Variants in TRIM36 observed in about 807,000 individuals in gnomAD.
TRIM36 encodes tripartite motif containing 36.
Under a neutral mutation model 72.4 loss-of-function variants are expected in TRIM36, and 42 were observed. That is an observed-to-expected ratio of 0.58 (90% CI 0.45 to 0.75). The LOEUF (loss-of-function observed/expected upper bound fraction) is 0.75, where lower values mean the gene tolerates loss of function less well. Among genes scored for constraint, TRIM36 ranks in the 30% least tolerant of loss-of-function variants. TRIM36 has a pLI of 0.00. For synonymous variants in TRIM36, 315 were observed against 282.8 expected (o/e 1.11, Z -1.14); for missense variants, 913 against 857.1 (o/e 1.07, Z -0.81).
At chr5:115,161,557 A>G (rs1052776949) in intron 2 of TRIM36, among the ~76,000 whole-genome samples, 1 of 152,224 alleles carries the variant, frequency 6.6e-6, no homozygotes, top group South Asian at 2.1e-4. Flanking sequence ...CTGAATTGAA[A>G]ATATTTAAAA....
intron 3 of TRIM36, among the ~76,000 whole-genome samples, chr5:115,145,616 T>A (rs1229705544): frequency 2.0e-5 from 3 of 152,118 alleles, no homozygotes; most frequent in Non-Finnish European, 4.4e-5. Context: ...AACCTCCACC[T>A]CCTGGGTTCA....
At chr5:115,171,331 G>A, upstream of TRIM36, 1 of 1,476,364 alleles carries the variant, frequency 6.8e-7, no homozygotes, top group South Asian at 1.2e-5. Flanking sequence ...GCTTTGCCAG[G>A]TAATAATGCC....
chr5:115,170,545 C>T (rs1003499997), upstream of TRIM36, among the ~76,000 whole-genome samples: 2 of 152,198 alleles, frequency 1.3e-5, no homozygotes, highest in Non-Finnish European at 2.9e-5. Flanking sequence ...CCTGGCCCCG[C>T]CCGGCTTGTC....
At chr5:115,147,463 T>A in intron 2 of TRIM36, 69 bp from the exon 3 acceptor site, 3 of 1,509,626 alleles carry the variant, frequency 2.0e-6, no homozygotes, top group Non-Finnish European at 2.7e-6. Flanking sequence ...AAAAGAGGAG[T>A]CATGTCTTAG....
intron 8 of TRIM36, among the ~76,000 whole-genome samples, chr5:115,132,550 G>GAAAAA (rs11290682): frequency 1.8e-5 from 2 of 110,860 alleles, no homozygotes; most frequent in Non-Finnish European, 1.8e-5. Flanking sequence ...CCTCCAAAAA[G>GAAAAA]AAAAAAAAAA....
intron 2 of TRIM36, among the ~76,000 whole-genome samples, chr5:115,156,313 T>C (rs1006645242): frequency 5.3e-5 from 8 of 151,184 alleles, no homozygotes; most frequent in African/African-American, 1.9e-4. Flanking sequence ...AAAAAAAAAA[T>C]TCTAAAATTC....
intron 2 of TRIM36, among the ~76,000 whole-genome samples, chr5:115,151,972 A>C (rs1364365310): frequency 6.6e-6 from 1 of 152,160 alleles, no homozygotes; most frequent in East Asian, 1.9e-4. Context: ...AACAAGGTTA[A>C]CACCAGCAAA....
chr5:115,173,012 G>C (rs949597425), upstream of TRIM36, among the ~76,000 whole-genome samples: 3 of 152,106 alleles, frequency 2.0e-5, no homozygotes, highest in African/African-American at 7.2e-5. Flanking sequence ...AAAAACAAAA[G>C]GTGAGGGGAA....
chr5:115,175,788 C>T (rs265405), intron 1 of TRIM36, among the ~76,000 whole-genome samples: 23,795 of 152,128 alleles, frequency 0.16, 2,506 homozygotes, highest in South Asian at 0.28. Context: ...ACAGCACATA[C>T]ATTTCACCCA....
chr5:115,156,728 T>G lies in TRIM36; in HGVS notation c.262+6790A>C, dbSNP rs989267341. 2.6e-5 allele frequency among the ~76,000 whole-genome samples: 4 copies of G among 152,184 alleles called. 1 individual carries two copies. The highest frequency in any genetic ancestry group is 6.8e-3 in the Middle Eastern group (2 of 294). On this transcript the variant is annotated intron_variant, in intron 2 of 9. Coordinates refer to ENST00000513154, the MANE Select transcript of TRIM36 (RefSeq NM_001300759.2). ...CTATAAAAATTCTAGAAGATAACAC[T>G]GAAAAAACCATTGTGGACTTTGGCT... is the stretch of plus-strand genomic sequence containing the variant.
intron 2 of TRIM36, among the ~76,000 whole-genome samples, chr5:115,154,183 GGCA>G (rs1754040985): frequency 1.4e-5 from 2 of 142,562 alleles, no homozygotes; most frequent in South Asian, 2.5e-4. Context: ...ACACAGCAAA[GGCA>G]GTGCTAAGAC....
chr5:115,128,441 TAA>T (rs1752471807), intron 9 of TRIM36, among the ~76,000 whole-genome samples: 1 of 151,340 alleles, frequency 6.6e-6, no homozygotes, highest in African/African-American at 2.4e-5. Flanking sequence ...ACAAGAGAGT[TAA>T]AAAGTTTTTT....
rs559725844 is a variant in TRIM36 at position 115,152,373 on chromosome 5, C to T, written c.263-4979G>A. On this transcript the variant is annotated intron_variant, in intron 2 of 9. Coordinates refer to ENST00000513154, the MANE Select transcript of TRIM36 (RefSeq NM_001300759.2). ...AAAGCCTCCAAGAAGCCTGGGATTA[C>T]GTTAAATGACCCACCCTAAGAATAA... 5.3e-5 allele frequency among the ~76,000 whole-genome samples: 8 copies of T among 152,172 alleles called. No individual in the cohort carries two copies. In the South Asian group the frequency reaches 8.3e-4, roughly 16 times the overall value.
At chr5:115,141,521 A>C (rs1280211156) in intron 4 of TRIM36, 147 bp from the exon 5 acceptor site, 1 of 499,980 alleles carries the variant, frequency 2.0e-6, no homozygotes, top group Non-Finnish European at 3.4e-6. Flanking sequence ...ATCATTATTA[A>C]CCCGGAGTAA....
chr5:115,169,903 G>C lies in TRIM36; in HGVS notation c.-269C>G, dbSNP rs1755012056. On this transcript the variant is annotated 5_prime_UTR_variant, in exon 1 of 10. Coordinates refer to ENST00000513154, the MANE Select transcript of TRIM36 (RefSeq NM_001300759.2). ...GCCGGCTGCAGCAGCGGCTCCTGCG[G>C]ACTGCGGCTGGGAACGGCGCCGCGC... is the stretch of plus-strand genomic sequence containing the variant. The C allele has an allele frequency of 7.7e-7, 1 of 1,292,540 alleles. No individual in the cohort carries two copies. The highest frequency in any genetic ancestry group is 9.8e-7 in the Non-Finnish European group (1 of 1,019,208). 80.1% of individuals were successfully genotyped at this position (1,292,540 alleles called of 1,614,324 possible).
At position 115,130,653 on chromosome 5, in the gene TRIM36, C is replaced by T. The variant is rs773339163; in HGVS notation, c.1735G>A (p.Val579Ile). 6.2e-6 allele frequency: 10 copies of T among 1,614,070 alleles called. No homozygotes were observed. In the Admixed American group the frequency reaches 1.7e-4, roughly 27 times the overall value. Residue 579 changes from valine (V) to isoleucine (I), a missense_variant, in exon 9 of 10, where the codon GTT (valine) becomes ATT (isoleucine). Physicochemically the swap from Val to Ile is conservative, Grantham distance 29 (BLOSUM62 3). Transcript: ENST00000513154. ...EPYSYLVKVG[V>I]ASSDKLQEWL... ...TCTTGTAGTTTATCGCTAGAAGCAACTCCCACTTTTACCAGGTATGAATAT... is the reference window on the plus strand; with the variant it reads ...TCTTGTAGTTTATCGCTAGAAGCAATTCCCACTTTTACCAGGTATGAATAT...
At chr5:115,142,918 T>A (rs1424590296) in intron 4 of TRIM36, among the ~76,000 whole-genome samples, 1 of 152,098 alleles carries the variant, frequency 6.6e-6, no homozygotes, top group South Asian at 2.1e-4. Context: ...CAAACACTAG[T>A]GTATATCAGA....
At chr5:115,145,173 G>T (rs2112834171) in intron 3 of TRIM36, among the ~76,000 whole-genome samples, 1 of 152,268 alleles carries the variant, frequency 6.6e-6, no homozygotes, top group African/African-American at 2.4e-5. Flanking sequence ...AACAATTTAT[G>T]AGACTCATGG....
In TRIM36 at chr5:115,134,423, G is replaced by C. The variant is rs144991835; in HGVS notation, c.1211-276C>G. ...ACAAGTAAATTTTTTTTAACCACAT[G>C]CCTTCTACCTACTGAATAACAGCCC... On this transcript the variant is annotated intron_variant, in intron 7 of 9. Coordinates refer to ENST00000513154, the MANE Select transcript of TRIM36 (RefSeq NM_001300759.2). 4.6e-3 allele frequency among the ~76,000 whole-genome samples: 694 copies of C among 152,026 alleles called. 9 individuals carry two copies. The highest frequency in any genetic ancestry group is 0.016 in the African/African-American group (671 of 41,488).
Sources: allele counts gnomAD v4.1 joint callset (sites outside exome capture counted in the v4.1 genomes callset), GRCh38; gene constraint gnomAD v4.1.1; transcripts MANE v1.5; gene names NCBI Gene and HGNC (gene_info 2026-07-23, HGNC 2026-07-21).